The following SHANK2 variants were observed in gnomAD, a reference collection of about 807,000 sequenced individuals.
The protein encoded by SHANK2 is SH3 and multiple ankyrin repeat domains 2.
SHANK2 carries 43 observed loss-of-function variants against 133.7 expected under a neutral mutation model. That is an observed-to-expected ratio of 0.32 (90% confidence interval 0.25 to 0.41). The LOEUF is 0.41. Among genes scored for constraint, SHANK2 ranks in the 10% least tolerant of loss-of-function variants. The pLI is 1.00. For synonymous variants in SHANK2, 1,017 were observed against 952.8 expected, an observed-to-expected ratio of 1.07 and a Z score of -1.24; for missense variants, 1,994 against 2,235.8, an observed-to-expected ratio of 0.89 and a Z score of 2.18.
chr11:71,079,356 C>A (rs1951261224), intron 8 of SHANK2, among the ~76,000 whole-genome samples: 1 of 152,214 alleles, frequency 6.6e-6, no homozygotes, highest in Admixed American at 6.5e-5. Context: ...ACTGGGACAC[C>A]GTCACCACTC....
intron 17 of SHANK2, 100 bp downstream of exon 17, chr11:70,659,728 C>T: frequency 4.1e-6 from 6 of 1,475,600 alleles, no homozygotes; most frequent in Non-Finnish European, 5.6e-6. Context: ...CACAAGCACC[C>T]CCAGACTGGG....
At chr11:70,661,505 AC>A (rs2061488844) in intron 16 of SHANK2, 90 bp downstream of exon 16, 5 of 33,264 alleles carry the variant, frequency 1.5e-4, no homozygotes, top group Non-Finnish European at 2.9e-4. Context: ...GCGTATACAC[AC>A]ACACACACAC....
Position 70,777,141 on chromosome 11 carries a change from A to G in SHANK2, c.1777+21302T>C, listed in dbSNP as rs537508705. Among the ~76,000 whole-genome samples, 9 of 148,852 alleles carry G rather than the reference A, an allele frequency of 6.0e-5. No homozygotes were observed. In the South Asian group the frequency reaches 1.9e-3, roughly 32 times the overall value. On this transcript the variant is annotated intron_variant, in intron 14 of 25. Coordinates refer to ENST00000601538, the MANE Select transcript of SHANK2 (RefSeq NM_012309.5). ...TACACATCTGCCCATCCATCCACCC[A>G]CTCATCCATTTATCCATCCACTCAC...
At chr11:70,596,409 C>T (rs1319387918) in intron 17 of SHANK2, among the ~76,000 whole-genome samples, 3 of 151,874 alleles carry the variant, frequency 2.0e-5, no homozygotes, top group Non-Finnish European at 4.4e-5. Flanking sequence ...AAGGGACAGG[C>T]CAGGGTGGGT....
At chr11:71,196,894 AG>A (rs1380464858) in intron 2 of SHANK2, among the ~76,000 whole-genome samples, 1 of 148,966 alleles carries the variant, frequency 6.7e-6, no homozygotes, top group Non-Finnish European at 1.5e-5. Flanking sequence ...GCTACTCAGG[AG>A]GCTGAGGCAT....
intron 10 of SHANK2, among the ~76,000 whole-genome samples, chr11:70,913,920 G>A (rs1314074526): frequency 3.9e-5 from 6 of 152,222 alleles, no homozygotes; most frequent in African/African-American, 1.4e-4. Flanking sequence ...TTCAGGTAAT[G>A]CTGCCACACT....
intron 17 of SHANK2, among the ~76,000 whole-genome samples, chr11:70,518,434 G>A (rs141490408): frequency 1.1e-3 from 172 of 152,304 alleles, no homozygotes; most frequent in African/African-American, 4.0e-3. Flanking sequence ...GTATCATGAG[G>A]CACCGCGTCA....
At chr11:71,214,978 C>T (rs111851830) in intron 2 of SHANK2, among the ~76,000 whole-genome samples, 5,657 of 152,282 alleles carry the variant, frequency 0.037, 119 homozygotes, top group Non-Finnish European at 0.058. Context: ...GGCTGCGTGG[C>T]GGTTTCCTCC....
intron 17 of SHANK2, among the ~76,000 whole-genome samples, chr11:70,614,991 C>T (rs2060718777): frequency 6.6e-6 from 1 of 152,158 alleles, no homozygotes; most frequent in Non-Finnish European, 1.5e-5. Context: ...ACTGGAAAGG[C>T]AAAAGGAAGG....
chr11:70,525,040 G>C (rs574883553), intron 17 of SHANK2, among the ~76,000 whole-genome samples: 2 of 152,360 alleles, frequency 1.3e-5, no homozygotes, highest in South Asian at 4.1e-4. Flanking sequence ...GCTCTGTGCA[G>C]GTCCCAGCTG....
intron 3 of SHANK2, among the ~76,000 whole-genome samples, chr11:71,122,974 T>C (rs1401039919): frequency 3.3e-5 from 5 of 152,198 alleles, no homozygotes; most frequent in East Asian, 1.9e-4. Flanking sequence ...CTGCCACTAA[T>C]TGTGGCAGCA....
chr11:71,227,469 C>T (rs1954659825), intron 1 of SHANK2, among the ~76,000 whole-genome samples: 1 of 151,762 alleles, frequency 6.6e-6, no homozygotes, highest in African/African-American at 2.4e-5. Flanking sequence ...GAAAATACCA[C>T]AAAGAGAACA....
At chr11:70,676,504 G>T (rs1205454969) in intron 15 of SHANK2, among the ~76,000 whole-genome samples, 1 of 152,202 alleles carries the variant, frequency 6.6e-6, no homozygotes, top group Non-Finnish European at 1.5e-5. Flanking sequence ...TGAGGGAGAG[G>T]CCAAGAGGCC....
chr11:70,673,798 C>T (rs1555016623), intron 15 of SHANK2, among the ~76,000 whole-genome samples: 1 of 152,270 alleles, frequency 6.6e-6, no homozygotes, highest in African/African-American at 2.4e-5. Flanking sequence ...CCTCCCTCCA[C>T]TCACTAGGGC....
At chr11:70,867,449 T>C (rs1555069288) in intron 11 of SHANK2, among the ~76,000 whole-genome samples, 1 of 152,120 alleles carries the variant, frequency 6.6e-6, no homozygotes, top group African/African-American at 2.4e-5. Flanking sequence ...CAAACAGCTA[T>C]GTCCACTGCT....
rs112626714 is a variant in SHANK2, at chr11:70,607,372, T to C, written c.2061+52456A>G. ...CCACTTTCCGGCTCCTCTCTCCCTA[T>C]GTGCCTGCCCCACACCCAGCTCCCC... On this transcript the variant is annotated intron_variant, in intron 17 of 25. Coordinates refer to ENST00000601538, the MANE Select transcript of SHANK2 (RefSeq NM_012309.5). Among the ~76,000 whole-genome samples the C allele has an allele frequency of 4.3e-3, 648 of 152,268 alleles. 4 individuals are homozygous for C. The highest frequency in any genetic ancestry group is 0.015 in the African/African-American group (621 of 41,552).
At chr11:70,929,865 G>GA (rs1950479392) in intron 10 of SHANK2, among the ~76,000 whole-genome samples, 1 of 152,200 alleles carries the variant, frequency 6.6e-6, no homozygotes, top group South Asian at 2.1e-4. Flanking sequence ...GGTGACTACA[G>GA]AAACGTGAGC....
intron 2 of SHANK2, among the ~76,000 whole-genome samples, chr11:71,176,190 C>T (rs183272400): frequency 2.4e-4 from 36 of 152,206 alleles, no homozygotes; most frequent in Middle Eastern, 3.4e-3. Context: ...TCCCGCCCAA[C>T]GAATATTCAA....
chr11:70,770,292 A>G (rs1555042428), intron 14 of SHANK2, among the ~76,000 whole-genome samples: 1 of 152,150 alleles, frequency 6.6e-6, no homozygotes, highest in African/African-American at 2.4e-5. Flanking sequence ...GGTCTCTGAT[A>G]GTAGGAATCT....
Sources: allele counts gnomAD v4.1 joint callset (sites outside exome capture counted in the v4.1 genomes callset), GRCh38; gene constraint gnomAD v4.1.1; transcripts MANE v1.5; gene names NCBI Gene and HGNC (gene_info 2026-07-23, HGNC 2026-07-21).